The following DNAH12 variants were observed in gnomAD, a reference collection of about 807,000 sequenced individuals.
The protein encoded by DNAH12 is dynein axonemal heavy chain 12.
DNAH12 carries 285 observed loss-of-function variants against 371.5 expected under a neutral mutation model. That is an observed-to-expected ratio of 0.77 (90% CI 0.70 to 0.85). The LOEUF (loss-of-function observed/expected upper bound fraction) is 0.85. Among genes scored for constraint, DNAH12 ranks in the 40% least tolerant of loss-of-function variants. DNAH12 has a pLI of 0.00. For missense variants in DNAH12, 3,611 were observed against 3,689.4 expected (o/e 0.98, Z 0.55); for synonymous variants, 1,200 against 1,213.0 (o/e 0.99, Z 0.22).
chr3:57,429,797 T>C (rs1038263061), intron 32 of DNAH12, 23 bp from the exon 33 acceptor site: 2 of 1,489,848 alleles, frequency 1.3e-6, no homozygotes, highest in African/African-American at 2.9e-5. Flanking sequence ...ATTTTTCAAA[T>C]GTTTATTTTT....
chr3:57,397,036 T>C (rs1484240095), intron 43 of DNAH12, among the ~76,000 whole-genome samples: 1 of 152,154 alleles, frequency 6.6e-6, no homozygotes, highest in Non-Finnish European at 1.5e-5. Flanking sequence ...AAAAAATAGA[T>C]ATTAATTATA....
chr3:57,375,518 T>C lies in DNAH12; in HGVS notation c.8614-2A>G, dbSNP rs1291675563. The C allele has an allele frequency of 6.6e-6, 1 of 152,164 alleles. No individual in the cohort carries two copies. Among genetic ancestry groups the C allele is most frequent in the Non-Finnish European group, 1.5e-5 (1 of 67,994 alleles). The allele number at this position is 152,164 out of a possible 1,614,324, so 9.4% of individuals were successfully genotyped here. A position where few individuals can be genotyped will look rare whatever the true frequency, so the allele number is the denominator to read the frequency against. On this transcript the variant is annotated splice_acceptor_variant, in intron 54 of 73. Coordinates refer to ENST00000495027, the MANE Select transcript of DNAH12 (RefSeq NM_001366028.2). LOFTEE classifies it high-confidence loss of function. ...CTCTGAACACGGGATTTTTTTCTTC[T>C]GTAAGAAATAAACAAAAATCTATTT...
chr3:57,322,564 C>G, intron 64 of DNAH12, 81 bp from the exon 65 acceptor site: 2 of 1,407,238 alleles, frequency 1.4e-6, no homozygotes, highest in Non-Finnish European at 9.4e-7. Flanking sequence ...GATTAAAAAA[C>G]AGGCATAATG....
chr3:57,403,406 G>C lies in DNAH12; in HGVS notation c.6851C>G (p.Ser2284Cys). Reference sequence around the variant, plus strand: ...CATGGATGTAGCCAGACGAGTTAAAGATTGACGACCACTTCCTCCAAGACC... The same window carrying C: ...CATGGATGTAGCCAGACGAGTTAAACATTGACGACCACTTCCTCCAAGACC... ...LVGLGGSGRQ[S>C]LTRLATSMAK... The change falls in exon 43 of 74, where the codon TCT becomes TGT. Residue 2284 changes from serine (S) to cysteine (C), a missense_variant. Ser to Cys is a moderately radical substitution (Grantham distance 112). This residue lies in a region of DNAH12 where 2,266 missense variants were observed against 2,236.9 expected (regional missense o/e 1.01). Transcript: ENST00000495027. The C allele has an allele frequency of 6.4e-7, 1 of 1,551,458 alleles. No individual in the cohort carries two copies. The highest frequency in any genetic ancestry group is 1.2e-5 in the South Asian group (1 of 84,026).
At chr3:57,498,178 T>C (rs995540066) in intron 11 of DNAH12, 3 of 256,744 alleles carry the variant, frequency 1.2e-5, no homozygotes, top group African/African-American at 6.7e-5. Context: ...GATGTGAAAG[T>C]GCAGTGGGAA....
intron 62 of DNAH12, among the ~76,000 whole-genome samples, chr3:57,334,018 A>G (rs1368576101): frequency 1.4e-5 from 2 of 145,910 alleles, no homozygotes; most frequent in Non-Finnish European, 3.0e-5. Flanking sequence ...AGAACCAAAC[A>G]AATTTTTTAG....
At position 57,457,775 on chromosome 3, in the gene DNAH12, T is replaced by A; in HGVS notation, c.3282A>T (p.Gln1094His). The change falls in exon 22 of 74, where the codon CAA becomes CAT. Residue 1094 changes from glutamine to histidine, a missense_variant. Around this residue, in one of 3 missense-constraint regions of DNAH12, gnomAD observed 1,314 missense variants for 1,398.7 expected, o/e 0.94. Transcript: ENST00000495027. ...CACTCCGGAGCATTAGGTCTTCCAC[T>A]TGAATGAGCCACTTTTCCACAGCAC... ...ARGAVEKWLI[Q>H]VEDLMLRSVH... The A allele has an allele frequency of 6.4e-7, 1 of 1,551,586 alleles. No individual in the cohort carries two copies. Among genetic ancestry groups the A allele is most frequent in the Non-Finnish European group, 8.7e-7 (1 of 1,146,970 alleles).
chr3:57,502,359 T>G lies in DNAH12; in HGVS notation c.1207A>C (p.Asn403His), dbSNP rs2067581318. The part of the protein sequence containing the change: ...VDTLKAAVHR[N>H]LEGARKHYET... ...TAATGCTTTCTTGCACCTTCTAAGTTCCGATGTACTGCTGCCTTCAGTGTA... is the reference window on the plus strand; with the variant it reads ...TAATGCTTTCTTGCACCTTCTAAGTGCCGATGTACTGCTGCCTTCAGTGTA... The change falls in exon 10 of 74, where the codon AAC becomes CAC. Residue 403 changes from asparagine to histidine, a missense_variant. Transcript: ENST00000495027. 1 of 1,614,048 alleles carries G rather than the reference T, an allele frequency of 6.2e-7. No homozygotes were observed. Among genetic ancestry groups the G allele is most frequent in the Non-Finnish European group, 8.5e-7 (1 of 1,180,040 alleles).
At chr3:57,399,553 A>G (rs2063813892) in intron 43 of DNAH12, among the ~76,000 whole-genome samples, 2 of 152,370 alleles carry the variant, frequency 1.3e-5, no homozygotes, top group Admixed American at 1.3e-4. Flanking sequence ...CTTTAAGTCA[A>G]AAACAACCAC....
At chr3:57,498,021 GAC>G (rs1301241991) in intron 11 of DNAH12, 10 of 152,686 alleles carry the variant, frequency 6.5e-5, no homozygotes, top group African/African-American at 2.4e-4. Flanking sequence ...ACAAACAAAA[GAC>G]ACTTTATTTT....
At chr3:57,432,382 G>T (rs1210938904) in intron 32 of DNAH12, among the ~76,000 whole-genome samples, 1 of 145,214 alleles carries the variant, frequency 6.9e-6, no homozygotes, top group Non-Finnish European at 1.5e-5. Context: ...GTTTCACCAT[G>T]TTGCTCAGGC....
At chr3:57,471,919 C>T (rs939949038) in intron 14 of DNAH12, among the ~76,000 whole-genome samples, 1 of 151,950 alleles carries the variant, frequency 6.6e-6, no homozygotes, top group African/African-American at 2.4e-5. Context: ...AAATATCTTA[C>T]CTATATTATT....
chr3:57,381,592 A>G (rs974623689), intron 50 of DNAH12, among the ~76,000 whole-genome samples: 12 of 152,114 alleles, frequency 7.9e-5, no homozygotes, highest in African/African-American at 2.7e-4. Flanking sequence ...AGATACTATG[A>G]GTACCATCTT....
Position 57,301,916 on chromosome 3 carries a change from G to A in DNAH12, c.11213C>T (p.Thr3738Ile), listed in dbSNP as rs1427360967. The change falls in exon 70 of 74, where the codon ACT becomes ATT. Residue 3738 changes from threonine (T) to isoleucine (I), a missense_variant. Thr to Ile is a moderately conservative substitution (Grantham distance 89). This residue lies in a region of DNAH12 where 2,266 missense variants were observed against 2,236.9 expected (regional missense o/e 1.01). Coordinates refer to ENST00000495027, the MANE Select transcript of DNAH12 (RefSeq NM_001366028.2). ...FNNLIITIRNTLRDLEKAIKG... is the reference protein window; with the variant it reads ...FNNLIITIRNILRDLEKAIKG... ...AATAGCTTTTTCAAGGTCCCGTAGAGTGTTACGTATAGTTATAATTAAACT... is the reference window on the plus strand; with the variant it reads ...AATAGCTTTTTCAAGGTCCCGTAGAATGTTACGTATAGTTATAATTAAACT... 3 of 1,551,560 alleles carry A rather than the reference G, an allele frequency of 1.9e-6. No homozygotes were observed. Among genetic ancestry groups the A allele is most frequent in the South Asian group, 2.4e-5 (2 of 84,056 alleles).
chr3:57,458,299 G>A, intron 20 of DNAH12, 79 bp from the exon 21 acceptor site: 1 of 1,358,376 alleles, frequency 7.4e-7, no homozygotes, highest in Non-Finnish European at 9.6e-7. Context: ...TATACTATAT[G>A]TTAAAATCTT....
At chr3:57,330,850 T>C (rs2062079487) in intron 62 of DNAH12, among the ~76,000 whole-genome samples, 3 of 152,094 alleles carry the variant, frequency 2.0e-5, no homozygotes, top group Admixed American at 6.6e-5. Context: ...ACCATGCAGA[T>C]TCACCAGCTT....
chr3:57,552,194 G>A, the DNAH12 span, among the ~76,000 whole-genome samples: 10 of 147,612 alleles, frequency 6.8e-5, no homozygotes, highest in Admixed American at 4.1e-4. Context: ...GCAGTGAGCC[G>A]AGATCACGCC....
chr3:57,448,178 G>C (rs1337670463), intron 25 of DNAH12, among the ~76,000 whole-genome samples: 2 of 152,322 alleles, frequency 1.3e-5, no homozygotes, highest in East Asian at 3.9e-4. Context: ...GGACCCTCGA[G>C]GTGAGTCTTA....
At chr3:57,322,223 G>C in intron 65 of DNAH12, 120 bp downstream of exon 65, 1 of 1,129,352 alleles carries the variant, frequency 8.9e-7, no homozygotes, top group African/African-American at 1.6e-5. Flanking sequence ...GTTAGGAAAT[G>C]CGTAAAGTTT....
Sources: allele counts gnomAD v4.1 joint callset (sites outside exome capture counted in the v4.1 genomes callset), GRCh38; gene constraint gnomAD v4.1.1; regional missense constraint gnomAD v4.1.1; transcripts MANE v1.5; gene names NCBI Gene and HGNC (gene_info 2026-07-23, HGNC 2026-07-21).